The following DLG2 variants were observed in gnomAD, a reference collection of about 807,000 sequenced individuals.
The protein encoded by DLG2 is discs large MAGUK scaffold protein 2.
Under a neutral mutation model 132.5 loss-of-function variants are expected in DLG2, and 45 were observed. That is an observed-to-expected ratio of 0.34 (90% CI 0.27 to 0.44). The LOEUF (loss-of-function observed/expected upper bound fraction) is 0.44. Among genes scored for constraint, DLG2 ranks in the 20% least tolerant of loss-of-function variants. DLG2 has a pLI of 1.00. For synonymous variants in DLG2, 424 were observed against 419.6 expected (o/e 1.01, Z -0.13); for missense variants, 1,045 against 1,196.9 (o/e 0.87, Z 1.87).
chr11:85,467,154 G>A (rs1209904929), intron 3 of DLG2, among the ~76,000 whole-genome samples: 2 of 152,172 alleles, frequency 1.3e-5, no homozygotes, highest in East Asian at 3.8e-4. Flanking sequence ...TTTTGCAATT[G>A]ATTTTGTATC....
intron 17 of DLG2, among the ~76,000 whole-genome samples, chr11:83,806,968 T>G (rs1005624613): frequency 1.3e-5 from 2 of 152,204 alleles, no homozygotes; most frequent in Non-Finnish European, 2.9e-5. Flanking sequence ...ATACTGGAGC[T>G]GCCATCTTGA....
At chr11:83,520,695 GTAGATAGATAGATAGA>G (rs72459775) in intron 21 of DLG2, among the ~76,000 whole-genome samples, 31,424 of 149,116 alleles carry the variant, frequency 0.21, 3,498 homozygotes, top group African/African-American at 0.22. Flanking sequence ...AAGTAGGTAG[GTAGATAGATAGATAGA>G]TAGATAGATA....
chr11:83,627,519 C>T (rs977445922), intron 19 of DLG2, among the ~76,000 whole-genome samples: 1 of 152,156 alleles, frequency 6.6e-6, no homozygotes, highest in African/African-American at 2.4e-5. Context: ...CAGCTTCATC[C>T]ATGTCCCTAC....
intron 6 of DLG2, among the ~76,000 whole-genome samples, chr11:84,799,487 G>A (rs538477873): frequency 6.6e-6 from 1 of 152,106 alleles, no homozygotes; most frequent in Non-Finnish European, 1.5e-5. Flanking sequence ...TATTGTGATT[G>A]CTCACCTGAT....
intron 6 of DLG2, among the ~76,000 whole-genome samples, chr11:85,044,524 T>A (rs539938719): frequency 6.6e-6 from 1 of 152,084 alleles, no homozygotes; most frequent in Admixed American, 6.6e-5. Flanking sequence ...GGGGTCAGGG[T>A]TTTTTGCCTT....
At chr11:84,744,898 T>TAAAAAAAAAAAAAA (rs758776805) in intron 6 of DLG2, among the ~76,000 whole-genome samples, 10 of 71,818 alleles carry the variant, frequency 1.4e-4, no homozygotes, top group Non-Finnish European at 2.3e-4. Context: ...AGTAAAGGTC[T>TAAAAAAAAAAAAAA]AAAAAAAAAA....
At chr11:84,008,597 T>TA (rs2094701747) in intron 11 of DLG2, among the ~76,000 whole-genome samples, 1 of 151,586 alleles carries the variant, frequency 6.6e-6, no homozygotes, top group South Asian at 2.1e-4. Context: ...GAGACAGACA[T>TA]ACAAAAATAT....
At chr11:84,947,137 C>A (rs2050319750) in intron 6 of DLG2, among the ~76,000 whole-genome samples, 1 of 152,172 alleles carries the variant, frequency 6.6e-6, no homozygotes, top group South Asian at 2.1e-4. Flanking sequence ...GATGTCTTTG[C>A]TTCCTTCTTT....
At chr11:83,675,501 AGAT>A (rs994438106) in intron 18 of DLG2, among the ~76,000 whole-genome samples, 3 of 152,218 alleles carry the variant, frequency 2.0e-5, no homozygotes, top group East Asian at 1.9e-4. Context: ...GAGAAGAAGA[AGAT>A]GATGATGATT....
intron 7 of DLG2, among the ~76,000 whole-genome samples, chr11:84,287,741 G>GACACACACACACACACACAC (rs373708341): frequency 1.4e-5 from 2 of 139,190 alleles, no homozygotes; most frequent in African/African-American, 5.4e-5. Context: ...CTCTCTCTTA[G>GACACACACACACACACACAC]ACACACACAC....
At chr11:83,745,331 A>G (rs1481956318) in intron 18 of DLG2, among the ~76,000 whole-genome samples, 1 of 152,220 alleles carries the variant, frequency 6.6e-6, no homozygotes, top group Non-Finnish European at 1.5e-5. Context: ...ATAAAATTGC[A>G]TTGATTTAGC....
At chr11:84,518,170 C>T (rs942114897) in intron 7 of DLG2, among the ~76,000 whole-genome samples, 1 of 140,994 alleles carries the variant, frequency 7.1e-6, no homozygotes, top group African/African-American at 2.7e-5. Context: ...GCCAACGTAA[C>T]AACTGGTCCC....
chr11:85,074,399 A>G (rs2066257905), intron 6 of DLG2, among the ~76,000 whole-genome samples: 1 of 151,862 alleles, frequency 6.6e-6, no homozygotes, highest in South Asian at 2.1e-4. Flanking sequence ...ATCAGGAAGT[A>G]ATGACCTGCC....
chr11:83,504,974 A>ACGAGCCCACT, intron 21 of DLG2, among the ~76,000 whole-genome samples: 1 of 151,734 alleles, frequency 6.6e-6, no homozygotes, highest in East Asian at 1.9e-4. Flanking sequence ...TTCCATGAGC[A>ACGAGCCCACT]GCCACACTTC....
At chr11:85,495,255 A>G (rs2093644720) in intron 3 of DLG2, among the ~76,000 whole-genome samples, 1 of 152,194 alleles carries the variant, frequency 6.6e-6, no homozygotes, top group African/African-American at 2.4e-5. Context: ...ACCTACTTTG[A>G]AAGCTGGCAA....
rs143894631 is a variant in DLG2, at chr11:85,594,826, C to T, written c.40+3831G>A. Reference sequence around the variant, plus strand: ...TGCATGCCTGTAATCCCAGCACTTTCGGAAGCCAAGGCCAGCAGATCACAA... The same window carrying T: ...TGCATGCCTGTAATCCCAGCACTTTTGGAAGCCAAGGCCAGCAGATCACAA... On this transcript the variant is annotated intron_variant, in intron 3 of 27. Transcript: ENST00000376104. Among the ~76,000 whole-genome samples, 967 of 151,752 alleles carry T rather than the reference C, an allele frequency of 6.4e-3. 9 individuals are homozygous for T. Among genetic ancestry groups the T allele is most frequent in the African/African-American group, 0.023 (938 of 41,394 alleles).
At chr11:84,193,814 G>A (rs1323529672) in intron 8 of DLG2, among the ~76,000 whole-genome samples, 1 of 152,162 alleles carries the variant, frequency 6.6e-6, no homozygotes, top group African/African-American at 2.4e-5. Flanking sequence ...CCCTACTGAA[G>A]CTTGTACAAC....
intron 21 of DLG2, among the ~76,000 whole-genome samples, chr11:83,520,868 A>G (rs2140450285): frequency 6.6e-6 from 1 of 152,290 alleles, no homozygotes; most frequent in South Asian, 2.1e-4. Context: ...GTCCCACTTT[A>G]CATAGGAGTA....
chr11:84,728,486 G>C (rs534029570), intron 6 of DLG2, among the ~76,000 whole-genome samples: 1 of 152,078 alleles, frequency 6.6e-6, no homozygotes, highest in Non-Finnish European at 1.5e-5. Flanking sequence ...GCTGGATTTG[G>C]TTTGCCAGTA....
Sources: allele counts gnomAD v4.1 joint callset (sites outside exome capture counted in the v4.1 genomes callset), GRCh38; gene constraint gnomAD v4.1.1; transcripts MANE v1.5; gene names NCBI Gene and HGNC (gene_info 2026-07-23, HGNC 2026-07-21).